DOCK7: variants seen among roughly 807,000 people sequenced by gnomAD.
DOCK7 encodes dedicator of cytokinesis protein 7.
DOCK7 carries 138 observed loss-of-function variants against 271.0 expected under a neutral mutation model. That is an observed-to-expected ratio of 0.51 (90% CI 0.44 to 0.59). The LOEUF (loss-of-function observed/expected upper bound fraction) is 0.59, where lower values mean the gene tolerates loss of function less well. Ranked by LOEUF, DOCK7 falls within the 20% of genes least tolerant of loss-of-function variation. The probability of loss-of-function intolerance (pLI) is 0.00; values close to 1 mark genes in which losing one functional copy is unlikely to be tolerated. For synonymous variants in DOCK7, 823 were observed against 876.1 expected (o/e 0.94, Z 1.07); for missense variants, 2,066 against 2,592.4 (o/e 0.80, Z 4.41).
At chr1:62,654,467 AG>A (rs758303149) in intron 2 of DOCK7, among the ~76,000 whole-genome samples, 11 of 152,180 alleles carry the variant, frequency 7.2e-5, no homozygotes, top group Admixed American at 2.6e-4. Context: ...ACTCACTGGA[AG>A]GATTATTTTT....
At chr1:62,481,929 C>T (rs1412744452) in intron 43 of DOCK7, 1 of 152,182 alleles carries the variant, frequency 6.6e-6, no homozygotes, top group Non-Finnish European at 1.5e-5. Context: ...TAACTGATTT[C>T]CATATAGGCA....
chr1:62,564,231 C>T (rs1365117241), intron 18 of DOCK7, among the ~76,000 whole-genome samples: 2 of 152,140 alleles, frequency 1.3e-5, no homozygotes, highest in Non-Finnish European at 2.9e-5. Context: ...TAGACATCTA[C>T]GGAACTCTCC....
intron 14 of DOCK7, among the ~76,000 whole-genome samples, chr1:62,588,963 T>C (rs1387078273): frequency 2.6e-5 from 4 of 152,000 alleles, no homozygotes; most frequent in Non-Finnish European, 5.9e-5. Context: ...GCTGGTCTTA[T>C]ATTCCTGGGC....
At chr1:62,619,077 C>G (rs902816985) in intron 13 of DOCK7, among the ~76,000 whole-genome samples, 1 of 150,152 alleles carries the variant, frequency 6.7e-6, no homozygotes, top group Non-Finnish European at 1.5e-5. Flanking sequence ...CATAAATGCA[C>G]GTAAAATAAT....
intron 14 of DOCK7, among the ~76,000 whole-genome samples, chr1:62,596,202 T>G (rs1009934138): frequency 5.3e-5 from 8 of 152,144 alleles, no homozygotes; most frequent in Non-Finnish European, 2.9e-5. Context: ...ATCATAACAC[T>G]ATGAATTATG....
At chr1:62,511,740 T>C (rs947067051) in intron 33 of DOCK7, among the ~76,000 whole-genome samples, 1 of 152,000 alleles carries the variant, frequency 6.6e-6, no homozygotes, top group South Asian at 2.1e-4. Flanking sequence ...CTGAAATCCA[T>C]GTCTTTAGGA....
chr1:62,609,212 A>T (rs572977630), intron 14 of DOCK7: 1 of 152,216 alleles, frequency 6.6e-6, no homozygotes, highest in East Asian at 1.9e-4. Context: ...ACAATCCTCT[A>T]TTATAACCCT....
intron 17 of DOCK7, among the ~76,000 whole-genome samples, chr1:62,578,300 CGT>C (rs1646999653): frequency 1.3e-5 from 2 of 152,098 alleles, no homozygotes; most frequent in African/African-American, 4.8e-5. Context: ...AGTGTTTATA[CGT>C]GTTAGTCAAT....
chr1:62,479,591 C>A, intron 43 of DOCK7: 1 of 158,706 alleles, frequency 6.3e-6, no homozygotes, highest in Non-Finnish European at 1.4e-5. Context: ...AAAAAAGAAC[C>A]TAAGAAAATT....
chr1:62,532,940 G>C (rs921697367), intron 29 of DOCK7, among the ~76,000 whole-genome samples: 4 of 152,142 alleles, frequency 2.6e-5, no homozygotes, highest in Admixed American at 2.6e-4. Flanking sequence ...GCAACTATAT[G>C]CAAGACTATC....
At chr1:62,614,529 A>G (rs901836699) in intron 14 of DOCK7, among the ~76,000 whole-genome samples, 8 of 151,942 alleles carry the variant, frequency 5.3e-5, no homozygotes, top group African/African-American at 1.9e-4. Context: ...CTCTTATCCA[A>G]TTATACCCCA....
intron 14 of DOCK7, chr1:62,603,945 G>T: frequency 1.2e-6 from 2 of 1,609,950 alleles, no homozygotes; most frequent in Non-Finnish European, 1.7e-6. Flanking sequence ...ATAACTCACA[G>T]ATTTTTAAAA....
intron 14 of DOCK7, among the ~76,000 whole-genome samples, chr1:62,610,428 T>C (rs1651618511): frequency 6.6e-6 from 1 of 152,102 alleles, no homozygotes; most frequent in African/African-American, 2.4e-5. Context: ...ATTACCAGTA[T>C]ATAAGATTTT....
intron 18 of DOCK7, among the ~76,000 whole-genome samples, chr1:62,570,142 T>C (rs532402902): frequency 6.6e-6 from 1 of 152,168 alleles, no homozygotes; most frequent in Non-Finnish European, 1.5e-5. Context: ...TGATCCTCTA[T>C]CTAGAAAAAC....
intron 31 of DOCK7, among the ~76,000 whole-genome samples, chr1:62,516,417 T>C (rs920337740): frequency 2.6e-5 from 4 of 152,168 alleles, no homozygotes; most frequent in East Asian, 1.9e-4. Flanking sequence ...CCCAAAGACA[T>C]TGATAGCAAG....
chr1:62,677,121 G>T (rs1043987198), intron 1 of DOCK7, among the ~76,000 whole-genome samples: 1 of 152,158 alleles, frequency 6.6e-6, no homozygotes, highest in African/African-American at 2.4e-5. Flanking sequence ...AAGAACATCA[G>T]CTGTTTTGCT....
intron 48 of DOCK7, among the ~76,000 whole-genome samples, chr1:62,459,737 C>A (rs1225604133): frequency 6.6e-6 from 1 of 151,854 alleles, no homozygotes; most frequent in Non-Finnish European, 1.5e-5. Flanking sequence ...ACAAAGAAAA[C>A]ACTAACTTCT....
intron 18 of DOCK7, among the ~76,000 whole-genome samples, chr1:62,567,426 A>C (rs1016720632): frequency 8.6e-5 from 13 of 152,004 alleles, no homozygotes; most frequent in African/African-American, 3.1e-4. Flanking sequence ...AAACCATCAT[A>C]CTCAGCAAAC....
chr1:62,678,618 T>G (rs1374241657), intron 1 of DOCK7, among the ~76,000 whole-genome samples: 1 of 152,126 alleles, frequency 6.6e-6, no homozygotes, highest in African/African-American at 2.4e-5. Flanking sequence ...ATTCTATGAG[T>G]TTTGGGTTCA....
Sources: allele counts gnomAD v4.1 joint callset (sites outside exome capture counted in the v4.1 genomes callset), GRCh38; gene constraint gnomAD v4.1.1; transcripts MANE v1.5; gene names NCBI Gene and HGNC (gene_info 2026-07-23, HGNC 2026-07-21).